Variants in ACCSL observed in about 807,000 individuals in gnomAD.
ACCSL encodes the protein 1-aminocyclopropane-1-carboxylate synthase homolog (inactive) like, also known as probable inactive 1-aminocyclopropane-1-carboxylate synthase-like protein 2.
ACCSL carries 55 observed loss-of-function variants against 61.7 expected under a neutral mutation model. The observed-to-expected ratio is 0.89, with a 90% CI of 0.72 to 1.12. ACCSL has a LOEUF of 1.12. ACCSL is among the 50% of genes most tolerant of loss of function. The pLI is 0.00. For missense variants in ACCSL, 632 were observed against 698.0 expected, an observed-to-expected ratio of 0.91 and a Z score of 1.07; for synonymous variants, 258 against 264.3, an observed-to-expected ratio of 0.98 and a Z score of 0.23.
At chr11:44,054,195 A>G (rs1044634843) in intron 8 of ACCSL, among the ~76,000 whole-genome samples, 1 of 152,230 alleles carries the variant, frequency 6.6e-6, no homozygotes, top group African/African-American at 2.4e-5. Context: ...ACGTGTTCCT[A>G]TAGAACTTCA....
chr11:44,005,377 C>A, the ACCSL span, among the ~76,000 whole-genome samples: 1 of 152,228 alleles, frequency 6.6e-6, no homozygotes, highest in Admixed American at 6.5e-5. Context: ...TGGCACACAG[C>A]CTGCCTGGGT....
the ACCSL span, among the ~76,000 whole-genome samples, chr11:43,967,652 AT>A: frequency 2.6e-5 from 4 of 151,320 alleles, no homozygotes; most frequent in Non-Finnish European, 3.0e-5. Context: ...CCATGATAAC[AT>A]TTTTTTTTCT....
chr11:43,942,151 G>T, the ACCSL span: 1 of 153,868 alleles, frequency 6.5e-6, no homozygotes, highest in Non-Finnish European at 1.4e-5. Context: ...CTCAGCTCTG[G>T]GGAGCCGGGC....
the ACCSL span, among the ~76,000 whole-genome samples, chr11:43,958,182 G>A: frequency 2.6e-5 from 4 of 152,172 alleles, no homozygotes; most frequent in South Asian, 2.1e-4. Context: ...TTTTACCAGC[G>A]ATTATTCAGG....
At chr11:43,971,536 G>C in the ACCSL span, 1 of 152,238 alleles carries the variant, frequency 6.6e-6, no homozygotes, top group African/African-American at 2.4e-5. Flanking sequence ...AGGTCTGTCT[G>C]CTCCAGAGCC....
the ACCSL span, among the ~76,000 whole-genome samples, chr11:44,036,024 G>A: frequency 3.3e-5 from 5 of 151,850 alleles, no homozygotes; most frequent in East Asian, 3.9e-4. Flanking sequence ...CTTTTCTGGA[G>A]AAGGGGAGAA....
At chr11:43,984,671 C>T in the ACCSL span, among the ~76,000 whole-genome samples, 1 of 152,264 alleles carries the variant, frequency 6.6e-6, no homozygotes, top group South Asian at 2.1e-4. Context: ...ATGTTCATTT[C>T]AAAGAAAGCC....
chr11:43,998,628 T>A, the ACCSL span, among the ~76,000 whole-genome samples: 1 of 152,348 alleles, frequency 6.6e-6, no homozygotes, highest in South Asian at 2.1e-4. Flanking sequence ...ATTTACTTAA[T>A]GAATGTTTAT....
At chr11:44,018,206 C>G in the ACCSL span, among the ~76,000 whole-genome samples, 9 of 152,118 alleles carry the variant, frequency 5.9e-5, no homozygotes, top group Non-Finnish European at 8.8e-5. Context: ...TTAAGGAGAC[C>G]AAAGATGCAG....
chr11:44,052,436 C>T (rs143043573), intron 5 of ACCSL, among the ~76,000 whole-genome samples: 1 of 152,226 alleles, frequency 6.6e-6, no homozygotes, highest in Non-Finnish European at 1.5e-5. Context: ...CCCTCTTCTT[C>T]TCTAGTGTAC....
intron 1 of ACCSL, 22 bp downstream of exon 1, chr11:44,048,562 TGGG>T: frequency 5.2e-6 from 1 of 193,384 alleles, no homozygotes; most frequent in Non-Finnish European, 9.2e-6. Flanking sequence ...GGGTGGGGGG[TGGG>T]CAGCATCCTC....
chr11:44,036,820 G>A, the ACCSL span, among the ~76,000 whole-genome samples: 2 of 151,818 alleles, frequency 1.3e-5, no homozygotes, highest in East Asian at 3.9e-4. Context: ...GTTCTGGCAT[G>A]GACGGGCCAG....
chr11:44,008,059 C>T, the ACCSL span, among the ~76,000 whole-genome samples: 1 of 152,160 alleles, frequency 6.6e-6, no homozygotes. Context: ...GCAGCTGATT[C>T]TCCAGTTCAA....
At chr11:44,010,092 G>A in the ACCSL span, among the ~76,000 whole-genome samples, 2 of 152,202 alleles carry the variant, frequency 1.3e-5, no homozygotes, top group Non-Finnish European at 2.9e-5. Context: ...TGTAATCCCA[G>A]CATTTTGGGA....
upstream of ACCSL, among the ~76,000 whole-genome samples, chr11:44,044,659 A>G (rs1952589062): frequency 6.6e-6 from 1 of 152,156 alleles, no homozygotes; most frequent in Admixed American, 6.5e-5. Flanking sequence ...TGGAAGAGTT[A>G]TAAGGGCTTG....
the ACCSL span, among the ~76,000 whole-genome samples, chr11:43,979,047 G>A: frequency 2.0e-5 from 3 of 152,164 alleles, no homozygotes; most frequent in Non-Finnish European, 2.9e-5. Flanking sequence ...CTGGGTAAGG[G>A]GTCAGAGAGG....
the ACCSL span, among the ~76,000 whole-genome samples, chr11:43,962,000 A>G: frequency 6.6e-6 from 1 of 152,222 alleles, no homozygotes; most frequent in South Asian, 2.1e-4. Flanking sequence ...TTCTTTTTCA[A>G]TAAGTTCTTT....
chr11:44,005,187 C>T, the ACCSL span, among the ~76,000 whole-genome samples: 9 of 152,162 alleles, frequency 5.9e-5, no homozygotes, highest in South Asian at 2.1e-4. Flanking sequence ...CTCCACCCCT[C>T]GACAAGAGTC....
the ACCSL span, among the ~76,000 whole-genome samples, chr11:43,951,716 T>C: frequency 6.6e-6 from 1 of 152,198 alleles, no homozygotes; most frequent in Non-Finnish European, 1.5e-5. Context: ...TTAAATTACA[T>C]TGTAGGGCTG....
Sources: allele counts gnomAD v4.1 joint callset (sites outside exome capture counted in the v4.1 genomes callset), GRCh38; gene constraint gnomAD v4.1.1; transcripts MANE v1.5; gene names NCBI Gene and HGNC (gene_info 2026-07-23, HGNC 2026-07-21).